LIPK: variants seen among roughly 807,000 people sequenced by gnomAD.
LIPK encodes lipase member K.
In LIPK, 32 loss-of-function variants were observed where a neutral mutation model predicts 48.6. The ratio of observed to expected loss-of-function variants is 0.66; its 90% CI spans 0.50 to 0.88. The LOEUF (loss-of-function observed/expected upper bound fraction) is 0.88. LIPK is among the 40% of genes least tolerant of loss of function. LIPK has a pLI of 0.00. For synonymous variants in LIPK, 164 were observed against 157.4 expected (o/e 1.04, Z -0.32); for missense variants, 507 against 478.5 (o/e 1.06, Z -0.56).
intron 8 of LIPK, among the ~76,000 whole-genome samples, chr10:88,740,321 T>C (rs1842655641): frequency 6.6e-6 from 1 of 152,232 alleles, no homozygotes; most frequent in Admixed American, 6.5e-5. Context: ...AAACTACATT[T>C]TAAGGGAAGA....
At chr10:88,744,421 G>C (rs1842734690) in intron 9 of LIPK, among the ~76,000 whole-genome samples, 1 of 152,174 alleles carries the variant, frequency 6.6e-6, no homozygotes, top group Admixed American at 6.5e-5. Context: ...CAGTATATGA[G>C]GAACATCTCA....
intron 1 of LIPK, among the ~76,000 whole-genome samples, chr10:88,723,052 T>G: frequency 6.6e-6 from 1 of 151,878 alleles, no homozygotes; most frequent in East Asian, 1.9e-4. Flanking sequence ...GGCTGGCTAA[T>G]TTTTTGTATT....
chr10:88,738,098 G>T lies in LIPK; in HGVS notation c.816+317G>T, dbSNP rs1045313554. 2.6e-5 allele frequency among the ~76,000 whole-genome samples: 4 copies of T among 152,124 alleles called. No homozygotes were observed. In the East Asian group the frequency reaches 7.7e-4, roughly 29 times the overall value. On this transcript the variant is annotated intron_variant, in intron 7 of 9. Transcript: ENST00000404190. The stretch of plus-strand genomic sequence containing the variant: ...AGACCCACTGAAGTAGAATCTCAGG[G>T]GGTGAGTCCAGACATTTGCATTTTT...
intron 1 of LIPK, among the ~76,000 whole-genome samples, chr10:88,713,485 G>A (rs746983334): frequency 1.3e-5 from 2 of 152,100 alleles, no homozygotes; most frequent in Non-Finnish European, 2.9e-5. Context: ...TCTGAAAGAA[G>A]CATAGTTTTA....
At chr10:88,740,197 T>A in intron 8 of LIPK, 130 bp downstream of exon 8, 1 of 504,234 alleles carries the variant, frequency 2.0e-6, no homozygotes, top group Non-Finnish European at 3.5e-6. Context: ...GGAATCAGCA[T>A]CAACTCTTCA....
At chr10:88,719,799 T>C (rs947557758) in intron 1 of LIPK, among the ~76,000 whole-genome samples, 3 of 152,288 alleles carry the variant, frequency 2.0e-5, no homozygotes, top group South Asian at 4.1e-4. Flanking sequence ...AGCCTGATAG[T>C]TCCTATTATT....
intron 9 of LIPK, among the ~76,000 whole-genome samples, chr10:88,750,036 T>A (rs1349754834): frequency 6.6e-6 from 1 of 152,062 alleles, no homozygotes; most frequent in Non-Finnish European, 1.5e-5. Flanking sequence ...CATACATGCA[T>A]CTAATAAGCA....
chr10:88,717,507 G>T (rs1842141364), intron 1 of LIPK, among the ~76,000 whole-genome samples: 1 of 152,100 alleles, frequency 6.6e-6, no homozygotes, highest in African/African-American at 2.4e-5. Context: ...TGTTTTCCCA[G>T]ATAGGAAAAG....
At chr10:88,748,334 A>G (rs749402936) in intron 9 of LIPK, among the ~76,000 whole-genome samples, 1 of 152,142 alleles carries the variant, frequency 6.6e-6, no homozygotes, top group Non-Finnish European at 1.5e-5. Flanking sequence ...ACCATGGCAT[A>G]TGTACACCTA....
chr10:88,719,439 C>T (rs1017687070), intron 1 of LIPK, among the ~76,000 whole-genome samples: 1 of 152,206 alleles, frequency 6.6e-6, no homozygotes, highest in East Asian at 1.9e-4. Context: ...CAGTTTTGCT[C>T]CCTGCAGTTG....
At chr10:88,730,173 A>G (rs1842435236) in intron 3 of LIPK, among the ~76,000 whole-genome samples, 4 of 152,204 alleles carry the variant, frequency 2.6e-5, no homozygotes. Flanking sequence ...TGTTTTTATT[A>G]TTTTGAAAAA....
intron 6 of LIPK, 108 bp downstream of exon 6, chr10:88,732,659 G>A (rs898559013): frequency 2.6e-6 from 3 of 1,140,006 alleles, no homozygotes; most frequent in South Asian, 1.6e-5. Context: ...AAAATAATAG[G>A]TATTCAAGAT....
At chr10:88,729,900 G>T (rs405635) in intron 3 of LIPK, among the ~76,000 whole-genome samples, 3 of 152,142 alleles carry the variant, frequency 2.0e-5, no homozygotes, top group African/African-American at 2.4e-5. Context: ...CACAGGAAAA[G>T]TCTAGTCACT....
intron 9 of LIPK, among the ~76,000 whole-genome samples, chr10:88,744,824 C>G (rs1842739917): frequency 6.6e-6 from 1 of 152,068 alleles, no homozygotes; most frequent in Non-Finnish European, 1.5e-5. Flanking sequence ...TGGACGGCAA[C>G]AGAGATCATT....
At chr10:88,724,512 A>AT (rs1189097262) in intron 1 of LIPK, 21 bp from the exon 2 acceptor site, 2 of 1,373,486 alleles carry the variant, frequency 1.5e-6, no homozygotes, top group South Asian at 2.6e-5. Context: ...GATGACAAAT[A>AT]TATTAAATTT....
At chr10:88,747,807 T>C (rs1220454389) in intron 9 of LIPK, among the ~76,000 whole-genome samples, 7 of 152,192 alleles carry the variant, frequency 4.6e-5, no homozygotes, top group Admixed American at 4.6e-4. Flanking sequence ...ACACTGTTGA[T>C]GGGAATGTGA....
At chr10:88,706,891 T>C (rs1394515487) in intron 1 of LIPK, among the ~76,000 whole-genome samples, 2 of 152,076 alleles carry the variant, frequency 1.3e-5, no homozygotes, top group Admixed American at 6.6e-5. Flanking sequence ...AATAAATAGT[T>C]TGACTGGGAG....
intron 6 of LIPK, among the ~76,000 whole-genome samples, chr10:88,733,652 C>A (rs1329322314): frequency 1.3e-5 from 2 of 152,186 alleles, no homozygotes; most frequent in Non-Finnish European, 2.9e-5. Flanking sequence ...CAATGTCAGA[C>A]TTTTTGCTTA....
At chr10:88,751,605 C>T (rs1842864172) in intron 9 of LIPK, among the ~76,000 whole-genome samples, 1 of 152,110 alleles carries the variant, frequency 6.6e-6, no homozygotes, top group Non-Finnish European at 1.5e-5. Context: ...TATAACTCAA[C>T]TCTAACTGTT....
Sources: allele counts gnomAD v4.1 joint callset (sites outside exome capture counted in the v4.1 genomes callset), GRCh38; gene constraint gnomAD v4.1.1; transcripts MANE v1.5; gene names NCBI Gene and HGNC (gene_info 2026-07-23, HGNC 2026-07-21).